DYM: variants seen among roughly 807,000 people sequenced by gnomAD.
The protein encoded by DYM is dymeclin, also known as dyggve-Melchior-Clausen syndrome protein.
DYM carries 78 observed loss-of-function variants against 93.1 expected under a neutral mutation model. The ratio of observed to expected loss-of-function variants is 0.84; its 90% confidence interval spans 0.70 to 1.01. DYM has a LOEUF of 1.01. DYM is among the 50% of genes least tolerant of loss of function. The pLI, the probability that DYM is intolerant of heterozygous loss-of-function variation, is 0.00. For missense variants in DYM, 789 were observed against 845.0 expected (o/e 0.93, Z 0.82); for synonymous variants, 321 against 319.7 (o/e 1.00, Z -0.04).
chr18:49,452,549 G>C (rs190762941), intron 1 of DYM, among the ~76,000 whole-genome samples: 3 of 152,174 alleles, frequency 2.0e-5, no homozygotes, highest in Non-Finnish European at 4.4e-5. Flanking sequence ...GATACAGAGT[G>C]CTGATTGGTG....
intron 13 of DYM, among the ~76,000 whole-genome samples, chr18:49,232,462 C>A (rs1302043929): frequency 6.6e-6 from 1 of 151,530 alleles, no homozygotes; most frequent in Non-Finnish European, 1.5e-5. Flanking sequence ...CACCACCACA[C>A]CTGGCTAATT....
At chr18:49,294,182 T>C (rs2060367869) in intron 8 of DYM, among the ~76,000 whole-genome samples, 1 of 140,802 alleles carries the variant, frequency 7.1e-6, no homozygotes, top group African/African-American at 2.5e-5. Flanking sequence ...CATGTATCTG[T>C]TTTGGTACCA....
Position 49,383,466 on chromosome 18 carries a change from T to C in DYM, c.194-3708A>G, listed in dbSNP as rs943437215. ...GAAGGTCCCATTTAAACTAAGAAAC[T>C]TGGACAAATAAAACCTTCTTGGGCT... On this transcript the variant is annotated intron_variant, in intron 3 of 17. Transcript: ENST00000675505. Among the ~76,000 whole-genome samples the C allele has an allele frequency of 7.9e-5, 12 of 152,060 alleles. No homozygotes were observed. In the South Asian group the frequency reaches 2.3e-3, roughly 29 times the overall value.
Position 49,333,844 on chromosome 18 carries a change from T to G in DYM, c.504A>C (p.Thr168=), listed in dbSNP as rs368567108. The change falls in exon 7 of 18, where the codon ACA becomes ACC. Residue 168 remains threonine (T), a synonymous_variant. Coordinates refer to ENST00000675505, the MANE Select transcript of DYM (RefSeq NM_001353214.3). ...ATATAGCTTCTACTGATATTTCATA[T>G]GTAATATCTCTAAAATGGAAGAAAA... ...LITDIPLLDI[T]YEISVEAIST... is the part of the protein sequence containing the mutation. 7.5e-6 allele frequency: 12 copies of G among 1,610,168 alleles called. No individual in the cohort carries two copies. Among genetic ancestry groups the G allele is most frequent in the Admixed American group, 5.0e-5 (3 of 60,014 alleles).
chr18:49,417,790 T>A (rs1274782889), intron 2 of DYM: 1 of 152,168 alleles, frequency 6.6e-6, no homozygotes, highest in Admixed American at 6.5e-5. Flanking sequence ...GATTATAAGC[T>A]CTGGCTGGGC....
At chr18:49,362,993 TAGTC>T (rs1346534622) in intron 6 of DYM, among the ~76,000 whole-genome samples, 164 bp downstream of exon 6, 2 of 152,254 alleles carry the variant, frequency 1.3e-5, no homozygotes, top group African/African-American at 4.8e-5. Context: ...TGACAATGAA[TAGTC>T]AGTCTAAATA....
chr18:49,178,010 T>C (rs192318949), intron 14 of DYM, among the ~76,000 whole-genome samples: 1 of 152,276 alleles, frequency 6.6e-6, no homozygotes, highest in Admixed American at 6.5e-5. Flanking sequence ...TGACTCATCC[T>C]GAATAAAGAA....
At chr18:49,289,712 AATATATATATATGTGTATATATATATAT>A (rs2059913187) in intron 8 of DYM, among the ~76,000 whole-genome samples, 1 of 112,706 alleles carries the variant, frequency 8.9e-6, no homozygotes, top group African/African-American at 3.5e-5. Context: ...CCCTATCTCA[AATATATATATATGTGTATATATATATAT>A]ATATATATAT....
In DYM at chr18:49,419,293, A is replaced by G. The variant is rs369882244; in HGVS notation, c.140+10962T>C. ...GGAATTGCTTGAACCTGGGAGGCGGAGGTCGCAGTGAGCTGAGATTGCACC... is the reference window on the plus strand; with the variant it reads ...GGAATTGCTTGAACCTGGGAGGCGGGGGTCGCAGTGAGCTGAGATTGCACC... On this transcript the variant is annotated intron_variant, in intron 2 of 17. Transcript: ENST00000675505. Among the ~76,000 whole-genome samples the G allele has an allele frequency of 4.6e-5, 7 of 152,264 alleles. No individual in the cohort carries two copies. The East Asian group carries it at 1.4e-3, about 29-fold the overall frequency.
At chr18:49,413,905 G>A (rs1468139044) in intron 2 of DYM, among the ~76,000 whole-genome samples, 2 of 152,122 alleles carry the variant, frequency 1.3e-5, no homozygotes, top group Non-Finnish European at 2.9e-5. Context: ...AACTACTTGG[G>A]AGGCTGAGGC....
intron 13 of DYM, among the ~76,000 whole-genome samples, chr18:49,239,187 G>T (rs75531197): frequency 0.011 from 1,643 of 152,114 alleles, 11 homozygotes; most frequent in Middle Eastern, 0.017. Flanking sequence ...CTCATCAGAA[G>T]AAACTATGGG....
rs148400489 is a variant in DYM, at chr18:49,323,527, G to A, written c.763+8337C>T. On this transcript the variant is annotated intron_variant, in intron 8 of 17. Transcript: ENST00000675505. ...AAGGTGATTAGGCTTAGATGAGATCGTGAGAGTGGAGCCCCCATGATGGGC... is the reference window on the plus strand; with the variant it reads ...AAGGTGATTAGGCTTAGATGAGATCATGAGAGTGGAGCCCCCATGATGGGC... Among the ~76,000 whole-genome samples, 20 of 152,300 alleles carry A rather than the reference G, an allele frequency of 1.3e-4. No individual in the cohort carries two copies. The East Asian group carries it at 1.7e-3, about 13-fold the overall frequency.
At chr18:49,320,942 T>C (rs1055899272) in intron 8 of DYM, among the ~76,000 whole-genome samples, 2 of 152,200 alleles carry the variant, frequency 1.3e-5, no homozygotes, top group African/African-American at 4.8e-5. Context: ...TGTCAGTGAG[T>C]AACCTTGAAT....
At position 49,097,291 on chromosome 18, in the gene DYM, T is replaced by C. The variant is rs796530951; in HGVS notation, c.2025+111A>G. Reference sequence around the variant, plus strand: ...TTGTCACAGTTCTGAGGAGCCCTTCTAGTCTATGTACTGGATAAGCAGCAT... The same window carrying C: ...TTGTCACAGTTCTGAGGAGCCCTTCCAGTCTATGTACTGGATAAGCAGCAT... On this transcript the variant is annotated intron_variant, in intron 17 of 17. Transcript: ENST00000675505. 5 of 954,536 alleles carry C rather than the reference T, an allele frequency of 5.2e-6. No individual in the cohort carries two copies. The Admixed American group carries it at 9.8e-5, about 19-fold the overall frequency. The allele number at this position is 954,536 out of a possible 1,614,324, so 59.1% of individuals were successfully genotyped here.
At chr18:49,087,797 T>G (rs926637877) in intron 17 of DYM, among the ~76,000 whole-genome samples, 24 of 152,248 alleles carry the variant, frequency 1.6e-4, no homozygotes, top group African/African-American at 5.1e-4. Context: ...CCTGACTTTT[T>G]AATGATTGCC....
intron 8 of DYM, among the ~76,000 whole-genome samples, chr18:49,311,535 T>A (rs1568224298): frequency 6.6e-6 from 1 of 152,270 alleles, no homozygotes; most frequent in East Asian, 1.9e-4. Flanking sequence ...CACTATGGAA[T>A]ACTATGCAGC....
intron 13 of DYM, among the ~76,000 whole-genome samples, chr18:49,244,029 A>G (rs1461105559): frequency 6.7e-6 from 1 of 148,254 alleles, no homozygotes; most frequent in Non-Finnish European, 1.5e-5. Flanking sequence ...AGTCATTAAC[A>G]GGAGGAGTGT....
intron 13 of DYM, among the ~76,000 whole-genome samples, chr18:49,249,674 A>G (rs1034181049): frequency 6.6e-6 from 1 of 151,792 alleles, no homozygotes; most frequent in African/African-American, 2.4e-5. Flanking sequence ...GTCTTCAAAA[A>G]AATGCTGGGT....
chr18:49,339,233 C>T (rs894526451), intron 6 of DYM, among the ~76,000 whole-genome samples: 2 of 152,224 alleles, frequency 1.3e-5, no homozygotes, highest in African/African-American at 2.4e-5. Context: ...CACAGACACA[C>T]AGACACACAC....
Sources: gnomAD v4.1 joint callset for allele counts (sites outside exome capture counted in the v4.1 genomes callset) on GRCh38, gnomAD v4.1.1 for gene constraint, MANE v1.5 for transcripts, NCBI Gene and HGNC (gene_info 2026-07-23, HGNC 2026-07-21) for gene names.